SULF1: variants seen among roughly 807,000 people sequenced by gnomAD.
SULF1 encodes the protein sulfatase 1.
A neutral mutation model predicts 110.5 loss-of-function variants in SULF1; 46 were observed. The ratio of observed to expected loss-of-function variants is 0.42; its 90% CI spans 0.33 to 0.53. The LOEUF is 0.53. Among genes scored for constraint, SULF1 ranks in the 20% least tolerant of loss-of-function variants. The pLI, the probability that SULF1 is intolerant of heterozygous loss-of-function variation, is 0.12. For missense variants in SULF1, 941 were observed against 1,094.2 expected (o/e 0.86, Z 1.98); for synonymous variants, 371 against 387.1 (o/e 0.96, Z 0.49).
intron 1 of SULF1, among the ~76,000 whole-genome samples, chr8:69,474,133 A>G (rs1809204341): frequency 6.6e-6 from 1 of 152,190 alleles, no homozygotes; most frequent in Non-Finnish European, 1.5e-5. Flanking sequence ...TTTTTTTGGT[A>G]TGATGTTACA....
intron 11 of SULF1, 127 bp from the exon 12 acceptor site, chr8:69,603,473 C>T (rs575465572): frequency 7.4e-7 from 1 of 1,359,492 alleles, no homozygotes. Flanking sequence ...TTGTGAATAG[C>T]ATATTGATGG....
At chr8:69,560,449 A>G (rs965264929) in intron 3 of SULF1, among the ~76,000 whole-genome samples, 3 of 152,166 alleles carry the variant, frequency 2.0e-5, no homozygotes, top group Admixed American at 2.0e-4. Flanking sequence ...TTCCACACCA[A>G]TTGACCATAA....
At chr8:69,585,677 T>G (rs1486418211) in intron 6 of SULF1, among the ~76,000 whole-genome samples, 1 of 152,180 alleles carries the variant, frequency 6.6e-6, no homozygotes, top group Non-Finnish European at 1.5e-5. Context: ...TATACTATAA[T>G]TGTATGAAAA....
At chr8:69,652,711 A>C (rs6472473) in intron 22 of SULF1, among the ~76,000 whole-genome samples, 74,599 of 152,062 alleles carry the variant, frequency 0.49, 18,934 homozygotes, top group African/African-American at 0.63. Context: ...TGTGCCCATC[A>C]CTGAGTTTTG....
chr8:69,484,771 G>A (rs1428859577), intron 1 of SULF1, among the ~76,000 whole-genome samples: 2 of 152,070 alleles, frequency 1.3e-5, no homozygotes, highest in African/African-American at 4.8e-5. Flanking sequence ...AAGGACCATG[G>A]TCTCAGGAAA....
At chr8:69,472,633 A>G (rs77238194) in intron 1 of SULF1, among the ~76,000 whole-genome samples, 3,095 of 152,268 alleles carry the variant, frequency 0.02, 108 homozygotes, top group African/African-American at 0.071. Flanking sequence ...AGAAACTGGA[A>G]CTGCCTGGGA....
intron 1 of SULF1, among the ~76,000 whole-genome samples, chr8:69,486,326 A>ATT (rs1244590579): frequency 5.5e-4 from 83 of 151,506 alleles, no homozygotes; most frequent in African/African-American, 2.0e-3. Context: ...TTTTTTTAAA[A>ATT]AAAAAAAATC....
intron 3 of SULF1, among the ~76,000 whole-genome samples, chr8:69,508,109 A>AT (rs11341009): frequency 0.21 from 31,166 of 147,634 alleles, 3,910 homozygotes; most frequent in Non-Finnish European, 0.29. Flanking sequence ...GATAATTATT[A>AT]TTTTTTTTTT....
intron 3 of SULF1, among the ~76,000 whole-genome samples, chr8:69,544,529 A>T (rs1814109642): frequency 6.6e-6 from 1 of 152,152 alleles, no homozygotes; most frequent in Admixed American, 6.6e-5. Context: ...AGCCTCCAAA[A>T]GTGCTGGGAT....
At chr8:69,612,633 G>A (rs6983311) in intron 13 of SULF1, among the ~76,000 whole-genome samples, 11,917 of 152,140 alleles carry the variant, frequency 0.078, 533 homozygotes, top group South Asian at 0.2. Context: ...CATGCTTGTT[G>A]GCTGTTTGTG....
At chr8:69,593,000 A>C in intron 8 of SULF1, 1 of 978,126 alleles carries the variant, frequency 1.0e-6, no homozygotes, top group Non-Finnish European at 1.2e-6. Flanking sequence ...GCCAGTTTGG[A>C]GAACTCCCTT....
At chr8:69,542,392 C>T (rs918471132) in intron 3 of SULF1, among the ~76,000 whole-genome samples, 1 of 151,346 alleles carries the variant, frequency 6.6e-6, no homozygotes, top group African/African-American at 2.4e-5. Context: ...TGCTTTGCAT[C>T]AAGTGCAATG....
At chr8:69,508,744 A>G (rs1393880882) in intron 3 of SULF1, among the ~76,000 whole-genome samples, 1 of 152,226 alleles carries the variant, frequency 6.6e-6, no homozygotes. Flanking sequence ...TATTTATTAC[A>G]TGAAGTATAA....
rs1385805522 is a variant in SULF1 at position 69,604,933 on chromosome 8, G to A, written c.1377+1G>A. The A allele has an allele frequency of 6.2e-7, 1 of 1,613,928 alleles. No individual in the cohort carries two copies. ...GACAGCCTGTGAACAACCGGGGCAG[G>A]TGAGTGACGCAGGCTTTCTTTACCA... On this transcript the variant is annotated splice_donor_variant, in intron 13 of 22. Transcript: ENST00000402687. LOFTEE classifies it high-confidence loss of function.
intron 1 of SULF1, among the ~76,000 whole-genome samples, chr8:69,486,679 C>T (rs2150548819): frequency 6.6e-6 from 1 of 152,316 alleles, no homozygotes; most frequent in South Asian, 2.1e-4. Flanking sequence ...AACTCTCCTA[C>T]AGAACACACA....
rs773425918 is a variant in SULF1 at position 69,621,089 on chromosome 8, G to A, written c.1432G>A (p.Gly478Arg). The change falls in exon 14 of 23, where the codon GGA (glycine) becomes AGA (arginine). Residue 478 changes from glycine (G) to arginine (R), a missense_variant. By Grantham distance (125) the Gly-to-Arg change is moderately radical. Around this residue, in one of 3 missense-constraint regions of SULF1, gnomAD observed 822 missense variants for 934.3 expected, o/e 0.88. Transcript: ENST00000402687. The part of the protein sequence containing the change: ...SGKLRIHKCK[G>R]PSDLLTVRQS... Reference sequence around the variant, plus strand: ...CAAGCTTCGAATTCACAAGTGTAAAGGACCCAGTGACCTGCTCACAGTCCG... The same window carrying A: ...CAAGCTTCGAATTCACAAGTGTAAAAGACCCAGTGACCTGCTCACAGTCCG... The A allele has an allele frequency of 6.2e-7, 1 of 1,613,836 alleles. No homozygotes were observed. Among genetic ancestry groups the A allele is most frequent in the Non-Finnish European group, 8.5e-7 (1 of 1,179,836 alleles).
Position 69,628,305 on chromosome 8 carries a change from T to G in SULF1, c.2108+69T>G, listed in dbSNP as rs113275401. 1,621 of 1,342,638 alleles carry G rather than the reference T, an allele frequency of 1.2e-3. 10 individuals are homozygous for G. In the African/African-American group the frequency reaches 0.021, roughly 17 times the overall value. The allele number at this position is 1,342,638 out of a possible 1,614,324, so 83.2% of individuals were successfully genotyped here. A position where few individuals can be genotyped will look rare whatever the true frequency, so the allele number is the denominator to read the frequency against. On this transcript the variant is annotated intron_variant, in intron 18 of 22. Transcript: ENST00000402687. ...TGTCCACCTGGCCCTTCGAAGAGGC[T>G]GGAGGGACCCCTGTGTTTCCTGCAG...
intron 8 of SULF1, among the ~76,000 whole-genome samples, chr8:69,593,973 T>C (rs531837547): frequency 1.3e-5 from 2 of 152,328 alleles, no homozygotes; most frequent in East Asian, 1.9e-4. Context: ...CTGGTGATTC[T>C]ATAGGAAACT....
chr8:69,643,803 T>C (rs1811669249), intron 22 of SULF1, among the ~76,000 whole-genome samples: 1 of 152,214 alleles, frequency 6.6e-6, no homozygotes, highest in Non-Finnish European at 1.5e-5. Flanking sequence ...AGAGCACAGC[T>C]CAGAAGGTGG....
Sources: gnomAD v4.1 joint callset for allele counts (sites outside exome capture counted in the v4.1 genomes callset) on GRCh38, gnomAD v4.1.1 for gene constraint, gnomAD v4.1.1 regional missense constraint, MANE v1.5 for transcripts, NCBI Gene and HGNC (gene_info 2026-07-23, HGNC 2026-07-21) for gene names.